GTF2H4: variants seen among roughly 807,000 people sequenced by gnomAD.
GTF2H4 encodes the protein BTF2 p52.
GTF2H4 carries 49 observed loss-of-function variants against 62.2 expected under a neutral mutation model. The observed-to-expected ratio is 0.79, with a 90% confidence interval of 0.63 to 1.00. The LOEUF is 1.00. Ranked by LOEUF, GTF2H4 falls within the 50% of genes least tolerant of loss-of-function variation. GTF2H4 has a pLI of 0.00. For missense variants in GTF2H4, 479 were observed against 587.8 expected, an observed-to-expected ratio of 0.81 and a Z score of 1.91; for synonymous variants, 189 against 233.8, an observed-to-expected ratio of 0.81 and a Z score of 1.75.
rs747735044 is a variant in GTF2H4, at chr6:30,913,259, T to C, written c.1138-50T>C. On this transcript the variant is annotated intron_variant, in intron 12 of 13. Transcript: ENST00000259895. The surrounding 1 kb of genome is among the most constrained non-coding windows in gnomAD (Gnocchi z 4.2). ...CTGGGGAAGAAACAGAGGGCCGGGT[T>C]GTCTGGGGCAGTATTCTGAGTCCCT... 1.2e-6 allele frequency: 2 copies of C among 1,612,124 alleles called. No homozygotes were observed. Among genetic ancestry groups the C allele is most frequent in the Admixed American group, 3.3e-5 (2 of 59,930 alleles).
chr6:30,909,022 T>C lies in GTF2H4; in HGVS notation c.-3-12T>C. On this transcript the variant is annotated splice_polypyrimidine_tract_variant and intron_variant, in intron 1 of 13. Coordinates refer to ENST00000259895, the MANE Select transcript of GTF2H4 (RefSeq NM_001517.5). The surrounding 1 kb of genome is among the most constrained non-coding windows in gnomAD (Gnocchi z 4.3). ...ATGGTGAGGTTGCACTTCTGACGTT[T>C]GCATTCCTCAGGTGATGGAGAGCAC... 6.2e-7 allele frequency: 1 copy of C among 1,613,978 alleles called. No individual in the cohort carries two copies. The highest frequency in any genetic ancestry group is 8.5e-7 in the Non-Finnish European group (1 of 1,180,002).
chr6:30,908,954 G>A (rs1793651123), intron 1 of GTF2H4, 80 bp from the exon 2 acceptor site: 1 of 1,494,644 alleles, frequency 6.7e-7, no homozygotes, highest in African/African-American at 1.4e-5. Flanking sequence ...GGGACTGATG[G>A]ATCTGGAATC....
At position 30,910,717 on chromosome 6, in the gene GTF2H4, CG is replaced by C. The variant is rs1562437220; in HGVS notation, c.430del (p.Asp144ThrfsTer42). The stretch of plus-strand genomic sequence containing the variant: ...TCAGCTGGGACCAGACAAGCATGCC[CG>C]GGACGTTCCCTCCCTTGACAAGTAC... The part of the protein sequence containing the change: ...TSQLGPDKHA[R>X]DVPSLDKYAE... On this transcript the variant is annotated frameshift_variant, in exon 5 of 14. Coordinates refer to ENST00000259895, the MANE Select transcript of GTF2H4 (RefSeq NM_001517.5). LOFTEE classifies it high-confidence loss of function. The surrounding 1 kb of genome is among the most constrained non-coding windows in gnomAD (Gnocchi z 4.7). 1.2e-6 allele frequency: 2 copies of C among 1,612,944 alleles called. No individual in the cohort carries two copies. The highest frequency in any genetic ancestry group is 4.5e-5 in the East Asian group (2 of 44,874).
Position 30,910,408 on chromosome 6 carries a change from C to A in GTF2H4, c.375-257C>A, listed in dbSNP as rs1419934974. On this transcript the variant is annotated intron_variant, in intron 4 of 13. Transcript: ENST00000259895. This position sits in a 1 kb window ranked among gnomAD's most constrained non-coding sequence, Gnocchi z 4.7. ...GCAGTGGTGTAATCTTGACTCACGG[C>A]AGCCTCTACCTCCTGGGTTCAAGTG... 6.6e-6 allele frequency among the ~76,000 whole-genome samples: 1 copy of A among 152,164 alleles called. No homozygotes were observed. The highest frequency in any genetic ancestry group is 1.5e-5 in the Non-Finnish European group (1 of 68,030).
At position 30,909,954 on chromosome 6, in the gene GTF2H4, C is replaced by T. The variant is rs367638534; in HGVS notation, c.265C>T (p.Leu89=). Residue 89 remains leucine, a synonymous_variant, in exon 4 of 14, where the codon CTG becomes TTG. Coordinates refer to ENST00000259895, the MANE Select transcript of GTF2H4 (RefSeq NM_001517.5). The surrounding 1 kb of genome is among the most constrained non-coding windows in gnomAD (Gnocchi z 4.3). ...FSKAQEESTG[L]LSGLRIWHTQ... is the part of the protein sequence containing the mutation. ...CAGGGCTCAGGAGGAAAGTACAGGG[C>T]TGCTGAGCGGCCTCCGGATCTGGCA... is the stretch of plus-strand genomic sequence containing the variant. The T allele has an allele frequency of 1.9e-6, 3 of 1,612,974 alleles. No homozygotes were observed. The highest frequency in any genetic ancestry group is 2.5e-6 in the Non-Finnish European group (3 of 1,179,984).
In GTF2H4 at chr6:30,912,150, A is replaced by C. The variant is rs533172871; in HGVS notation, c.958+4A>C. On this transcript the variant is annotated splice_donor_region_variant and intron_variant, in intron 10 of 13. Transcript: ENST00000259895. This position sits in a 1 kb window ranked among gnomAD's most constrained non-coding sequence, Gnocchi z 4.8. ...TACCGACTGTATGCCTACACGGGTG[A>C]GGCGGGACAGAGGGCCCCTGGAAGA... The C allele has an allele frequency of 4.1e-5, 66 of 1,612,794 alleles. 3 individuals are homozygous for C. In the South Asian group the frequency reaches 6.8e-4, roughly 17 times the overall value.
At position 30,909,235 on chromosome 6, in the gene GTF2H4, T is replaced by C; in HGVS notation, c.137+62T>C. 3 of 1,541,542 alleles carry C rather than the reference T, an allele frequency of 1.9e-6. No individual in the cohort carries two copies. Among genetic ancestry groups the C allele is most frequent in the South Asian group, 1.2e-5 (1 of 83,004 alleles). On this transcript the variant is annotated intron_variant, in intron 2 of 13. Transcript: ENST00000259895. The surrounding 1 kb of genome is among the most constrained non-coding windows in gnomAD (Gnocchi z 4.3). ...GTCTGCGGAGTGGAATAAAATATCA[T>C]AGGTAAAAGTGTAGCAGCCTGGAGT...
In GTF2H4 at chr6:30,909,682, C is replaced by T. The variant is rs945174617; in HGVS notation, c.242+143C>T. The T allele has an allele frequency of 1.1e-5, 7 of 642,912 alleles. No homozygotes were observed. The East Asian group carries it at 1.9e-4, about 18-fold the overall frequency. 39.8% of individuals were successfully genotyped at this position (642,912 alleles called of 1,614,324 possible). On this transcript the variant is annotated intron_variant, in intron 3 of 13. Transcript: ENST00000259895. The surrounding 1 kb of genome is among the most constrained non-coding windows in gnomAD (Gnocchi z 4.3). ...GGGAAACTCTGCATATTGCCTTTTC[C>T]CTTTTATTTATTTCCCAGCTGAGAT...
At position 30,913,235 on chromosome 6, in the gene GTF2H4, T is replaced by TG. The variant is rs3218823; in HGVS notation, c.1138-70dup. On this transcript the variant is annotated intron_variant, in intron 12 of 13. Coordinates refer to ENST00000259895, the MANE Select transcript of GTF2H4 (RefSeq NM_001517.5). The surrounding 1 kb of genome is among the most constrained non-coding windows in gnomAD (Gnocchi z 4.2). ...GAAAAGAAAAAGGGGCATCCAAATC[T>TG]GGGGAAGAAACAGAGGGCCGGGTTG... 0.012 allele frequency: 18,704 copies of TG among 1,612,028 alleles called. 137 individuals are homozygous for TG. The highest frequency in any genetic ancestry group is 0.015 in the Middle Eastern group (91 of 6,048).
At position 30,911,927 on chromosome 6, in the gene GTF2H4, C is replaced by A; in HGVS notation, c.826-87C>A. The A allele has an allele frequency of 6.5e-7, 1 of 1,529,220 alleles. No individual in the cohort carries two copies. Among genetic ancestry groups the A allele is most frequent in the Non-Finnish European group, 8.9e-7 (1 of 1,119,294 alleles). 94.7% of individuals were successfully genotyped at this position (1,529,220 alleles called of 1,614,324 possible). ...AGAGAAGTTGGGGGTTGAGGTTCTG[C>A]ATCTTGGGAGGGATCTGATATTTCA... On this transcript the variant is annotated intron_variant, in intron 9 of 13. Transcript: ENST00000259895. This position sits in a 1 kb window ranked among gnomAD's most constrained non-coding sequence, Gnocchi z 4.3.
rs3218815 is a variant in GTF2H4 at position 30,910,992 on chromosome 6, C to T, written c.560+51C>T. ...TCTCTGCTGTGCCATCTCCTTGGGT[C>T]CCTAAGAAATGGTATCTGGGGCTAG... On this transcript the variant is annotated intron_variant, in intron 6 of 13. Coordinates refer to ENST00000259895, the MANE Select transcript of GTF2H4 (RefSeq NM_001517.5). The surrounding 1 kb of genome is among the most constrained non-coding windows in gnomAD (Gnocchi z 4.7). 330,544 of 1,464,722 alleles carry T rather than the reference C, an allele frequency of 0.23. 46,930 individuals carry two copies. The highest frequency in any genetic ancestry group is 0.58 in the East Asian group (24,668 of 42,414). 90.7% of individuals were successfully genotyped at this position (1,464,722 alleles called of 1,614,324 possible). A position where few individuals can be genotyped will look rare whatever the true frequency, so the allele number is the denominator to read the frequency against.
rs1255994975 is a variant in GTF2H4, at chr6:30,911,107, T to C, written c.561-51T>C. 6.9e-7 allele frequency: 1 copy of C among 1,440,898 alleles called. No homozygotes were observed. The highest frequency in any genetic ancestry group is 1.1e-5 in the South Asian group (1 of 87,382). 89.3% of individuals were successfully genotyped at this position (1,440,898 alleles called of 1,614,324 possible). A position where few individuals can be genotyped will look rare whatever the true frequency, so the allele number is the denominator to read the frequency against. ...AAAAACGTGAGTGGACAAGTGGGGATAGTAGTCTTTCTCTGCATATCACCA... is the reference window on the plus strand; with the variant it reads ...AAAAACGTGAGTGGACAAGTGGGGACAGTAGTCTTTCTCTGCATATCACCA... On this transcript the variant is annotated intron_variant, in intron 6 of 13. Transcript: ENST00000259895. The surrounding 1 kb of genome is among the most constrained non-coding windows in gnomAD (Gnocchi z 4.3).
In GTF2H4 at chr6:30,910,603, T is replaced by C; in HGVS notation, c.375-62T>C. On this transcript the variant is annotated intron_variant, in intron 4 of 13. Coordinates refer to ENST00000259895, the MANE Select transcript of GTF2H4 (RefSeq NM_001517.5). The surrounding 1 kb of genome is among the most constrained non-coding windows in gnomAD (Gnocchi z 4.7). ...ATCTCGGCCTCCCAAAGTACAGGGA[T>C]TACAGGTGTGAGCCACTGCGCCTGG... 1 of 1,188,624 alleles carries C rather than the reference T, an allele frequency of 8.4e-7. No individual in the cohort carries two copies. The highest frequency in any genetic ancestry group is 1.3e-6 in the Non-Finnish European group (1 of 796,198). The allele number at this position is 1,188,624 out of a possible 1,614,324, so 73.6% of individuals were successfully genotyped here. A position where few individuals can be genotyped will look rare whatever the true frequency, so the allele number is the denominator to read the frequency against.
chr6:30,913,290 C>T lies in GTF2H4; in HGVS notation c.1138-19C>T, dbSNP rs1485058583. 2 of 1,613,766 alleles carry T rather than the reference C, an allele frequency of 1.2e-6. No homozygotes were observed. Among genetic ancestry groups the T allele is most frequent in the Admixed American group, 1.7e-5 (1 of 59,980 alleles). On this transcript the variant is annotated intron_variant, in intron 12 of 13. Transcript: ENST00000259895. This position sits in a 1 kb window ranked among gnomAD's most constrained non-coding sequence, Gnocchi z 4.2. ...GGGCAGTATTCTGAGTCCCTACAGT[C>T]AACCCTTGCTCCTTGCAGACACCTG...
At chr6:30,908,842 G>A (rs1473158371) in intron 1 of GTF2H4, among the ~76,000 whole-genome samples, 192 bp from the exon 2 acceptor site, 2 of 152,214 alleles carry the variant, frequency 1.3e-5, no homozygotes, top group Non-Finnish European at 2.9e-5. Context: ...CAGAAATAGG[G>A]TGAGGAGGCA....
Position 30,911,310 on chromosome 6 carries a change from C to T in GTF2H4, c.672+41C>T. On this transcript the variant is annotated intron_variant, in intron 7 of 13. Coordinates refer to ENST00000259895, the MANE Select transcript of GTF2H4 (RefSeq NM_001517.5). The surrounding 1 kb of genome is among the most constrained non-coding windows in gnomAD (Gnocchi z 4.3). ...CACTTAACCAGCATGCTCTGCTCCT[C>T]TCAGGTCTCACTGAGAGACTCCTGC... 3 of 1,550,844 alleles carry T rather than the reference C, an allele frequency of 1.9e-6. No individual in the cohort carries two copies. The highest frequency in any genetic ancestry group is 2.2e-5 in the South Asian group (2 of 89,852).
Position 30,909,933 on chromosome 6 carries a change from G to A in GTF2H4, c.244G>A (p.Ala82Thr), listed in dbSNP as rs747071297. ...ALWVKKEFSK[A>T]QEESTGLLSG... Reference sequence around the variant, plus strand: ...CTCACCTCTCTGCTTCTGTTCCAGGGCTCAGGAGGAAAGTACAGGGCTGCT... The same window carrying A: ...CTCACCTCTCTGCTTCTGTTCCAGGACTCAGGAGGAAAGTACAGGGCTGCT... The change falls in exon 4 of 14, where the codon GCT becomes ACT. Residue 82 changes from alanine to threonine, a missense_variant and splice_region_variant. Physicochemically the swap from Ala to Thr is moderately conservative, Grantham distance 58 (BLOSUM62 0). Transcript: ENST00000259895. This position sits in a 1 kb window ranked among gnomAD's most constrained non-coding sequence, Gnocchi z 4.3. 1.1e-5 allele frequency: 17 copies of A among 1,610,728 alleles called. No homozygotes were observed. Among genetic ancestry groups the A allele is most frequent in the Admixed American group, 8.5e-5 (5 of 59,150 alleles).
chr6:30,909,311 C>A lies in GTF2H4; in HGVS notation c.138-124C>A, dbSNP rs1374102868. On this transcript the variant is annotated intron_variant, in intron 2 of 13. Transcript: ENST00000259895. This position sits in a 1 kb window ranked among gnomAD's most constrained non-coding sequence, Gnocchi z 4.3. ...TGGAAATTGCTCTAAAGTGTGGAGG[C>A]CAAAACAGCAGGACTGGTAAAGTTG... The A allele has an allele frequency of 8.0e-7, 1 of 1,244,336 alleles. No individual in the cohort carries two copies. Among genetic ancestry groups the A allele is most frequent in the East Asian group, 2.5e-5 (1 of 40,046 alleles). 77.1% of individuals were successfully genotyped at this position (1,244,336 alleles called of 1,614,324 possible).
At position 30,911,041 on chromosome 6, in the gene GTF2H4, GA is replaced by G; in HGVS notation, c.560+104del. 7.5e-7 allele frequency: 1 copy of G among 1,340,498 alleles called. No individual in the cohort carries two copies. Among genetic ancestry groups the G allele is most frequent in the Non-Finnish European group, 1.1e-6 (1 of 948,528 alleles). 83.0% of individuals were successfully genotyped at this position (1,340,498 alleles called of 1,614,324 possible). ...AGTCAAGATCAGAGGACATTAGCTGGAAAAGGCAAGCTGAGTAGAATATAGC... is the reference window on the plus strand; with the variant it reads ...AGTCAAGATCAGAGGACATTAGCTGGAAAGGCAAGCTGAGTAGAATATAGC... On this transcript the variant is annotated intron_variant, in intron 6 of 13. Coordinates refer to ENST00000259895, the MANE Select transcript of GTF2H4 (RefSeq NM_001517.5). This position sits in a 1 kb window ranked among gnomAD's most constrained non-coding sequence, Gnocchi z 4.3.
Sources: allele counts gnomAD v4.1 joint callset (sites outside exome capture counted in the v4.1 genomes callset), GRCh38; gene constraint gnomAD v4.1.1; non-coding constraint Gnocchi (gnomAD v3.1); transcripts MANE v1.5; gene names NCBI Gene and HGNC (gene_info 2026-07-23, HGNC 2026-07-21).